LGMN: variants seen among roughly 807,000 people sequenced by gnomAD.
LGMN encodes legumain.
Under a neutral mutation model 56.8 loss-of-function variants are expected in LGMN, and 36 were observed. The observed-to-expected ratio is 0.63, with a 90% CI of 0.49 to 0.84. The LOEUF is 0.84. Ranked by LOEUF, LGMN falls within the 40% of genes least tolerant of loss-of-function variation. The pLI is 0.00. For missense variants in LGMN, 446 were observed against 556.1 expected (o/e 0.80, Z 1.99); for synonymous variants, 199 against 210.1 (o/e 0.95, Z 0.46).
intron 4 of LGMN, 84 bp downstream of exon 4, chr14:92,717,296 G>T: frequency 1.2e-6 from 1 of 863,030 alleles, no homozygotes; most frequent in South Asian, 1.9e-5. Context: ...GGGAGATTCT[G>T]ATTCTAGAAA....
In LGMN at chr14:92,719,302, ACCGCCG is replaced by A. The variant is rs1280163911; in HGVS notation, c.139-464_139-459del. ...CACCGCCGCCGCCGCCGCCGCCGCC[ACCGCCG>A]CCACCGCCGCCGCCGCCACCGCCAC... On this transcript the variant is annotated intron_variant, in intron 2 of 13. Transcript: ENST00000334869. 2.8e-4 allele frequency among the ~76,000 whole-genome samples: 12 copies of A among 43,276 alleles called. No homozygotes were observed. In the South Asian group the frequency reaches 5.3e-3, roughly 19 times the overall value. The allele number at this position is 43,276 out of a possible 152,430, so 28.4% of individuals were successfully genotyped here.
chr14:92,721,071 C>G (rs1445779333), intron 2 of LGMN, among the ~76,000 whole-genome samples: 1 of 151,854 alleles, frequency 6.6e-6, no homozygotes, highest in Non-Finnish European at 1.5e-5. Context: ...CTAAAATGTT[C>G]TGTAGAGTCA....
intron 1 of LGMN, among the ~76,000 whole-genome samples, chr14:92,745,684 T>C (rs1239358711): frequency 3.9e-5 from 6 of 152,262 alleles, no homozygotes; most frequent in Non-Finnish European, 5.9e-5. Flanking sequence ...ACAACCCTAA[T>C]ATCCTGCCCC....
intron 1 of LGMN, among the ~76,000 whole-genome samples, chr14:92,739,041 C>A (rs943471108): frequency 1.3e-4 from 20 of 150,188 alleles, no homozygotes; most frequent in African/African-American, 3.4e-4. Context: ...ACAAAAAAAA[C>A]CCCACATACA....
chr14:92,719,756 G>A (rs762154971), intron 2 of LGMN, among the ~76,000 whole-genome samples: 1 of 152,196 alleles, frequency 6.6e-6, no homozygotes, highest in Admixed American at 6.5e-5. Flanking sequence ...CCCTGTCCAC[G>A]CAAGGGTGAA....
rs902539090 is a variant in LGMN, at chr14:92,710,095, G to A, written c.820-223C>T. ...AAAGGCATGGTCACCCCAGCAGTAC[G>A]CAGGCAATGCACGGGAGCCCCTGAA... On this transcript the variant is annotated intron_variant, in intron 10 of 13. Coordinates refer to ENST00000334869, the MANE Select transcript of LGMN (RefSeq NM_005606.7). Among the ~76,000 whole-genome samples the A allele has an allele frequency of 7.9e-5, 12 of 152,176 alleles. No individual in the cohort carries two copies. In the South Asian group the frequency reaches 8.3e-4, roughly 10 times the overall value.
chr14:92,743,036 A>AC (rs1566938567), intron 1 of LGMN: 1 of 152,046 alleles, frequency 6.6e-6, no homozygotes, highest in African/African-American at 2.4e-5. Context: ...AAAAAAAAAA[A>AC]AAAAAACATC....
At chr14:92,712,780 C>A in intron 8 of LGMN, 25 bp downstream of exon 8, 2 of 1,609,980 alleles carry the variant, frequency 1.2e-6, no homozygotes, top group East Asian at 2.2e-5. Flanking sequence ...CAGCCCAGGT[C>A]GAGGCCGGCG....
chr14:92,712,175 T>C (rs1889817013), intron 8 of LGMN, among the ~76,000 whole-genome samples: 1 of 152,162 alleles, frequency 6.6e-6, no homozygotes. Context: ...CTGGTGGATG[T>C]TTTTTGCAGC....
At chr14:92,732,941 G>A (rs937595337) in intron 1 of LGMN, 126 bp from the exon 2 acceptor site, 3 of 647,890 alleles carry the variant, frequency 4.6e-6, no homozygotes, top group East Asian at 3.0e-5. Flanking sequence ...AAGAGGTCAG[G>A]AGTTTGAGAT....
At chr14:92,719,239 ACC>A (rs1890271941) in intron 2 of LGMN, among the ~76,000 whole-genome samples, 1 of 21,442 alleles carries the variant, frequency 4.7e-5, no homozygotes, top group African/African-American at 2.2e-4. Context: ...CGCCACCGCC[ACC>A]ACCGCCACCA....
At chr14:92,704,589 C>T (rs542436854) in intron 13 of LGMN, 51 bp downstream of exon 13, 1 of 1,483,860 alleles carries the variant, frequency 6.7e-7, no homozygotes, top group South Asian at 1.1e-5. Flanking sequence ...GCAGCCCCTT[C>T]TGCTTTCAGA....
At chr14:92,719,239 ACCACCGCCACCACCACCACCG>A (rs1566924039) in intron 2 of LGMN, among the ~76,000 whole-genome samples, 9 of 21,460 alleles carry the variant, frequency 4.2e-4, no homozygotes, top group African/African-American at 1.1e-3. Context: ...CGCCACCGCC[ACCACCGCCACCACCACCACCG>A]CCACCGCCGC....
At chr14:92,730,426 AT>A (rs1460458826) in intron 2 of LGMN, among the ~76,000 whole-genome samples, 1 of 152,012 alleles carries the variant, frequency 6.6e-6, no homozygotes, top group African/African-American at 2.4e-5. Context: ...CATTATTATC[AT>A]TTTTTTTAAA....
chr14:92,736,431 A>G (rs1021585013), intron 1 of LGMN, among the ~76,000 whole-genome samples: 1 of 151,988 alleles, frequency 6.6e-6, no homozygotes, highest in African/African-American at 2.4e-5. Flanking sequence ...CCCTGTCTCT[A>G]CTAAAAATAC....
At chr14:92,705,310 T>C (rs901241951) in intron 12 of LGMN, among the ~76,000 whole-genome samples, 1 of 152,104 alleles carries the variant, frequency 6.6e-6, no homozygotes, top group African/African-American at 2.4e-5. Context: ...AGGACCAGCC[T>C]GGACAACATG....
chr14:92,713,618 C>A (rs2140218035), intron 7 of LGMN, among the ~76,000 whole-genome samples: 1 of 152,296 alleles, frequency 6.6e-6, no homozygotes, highest in Non-Finnish European at 1.5e-5. Context: ...GGGCGAGGCC[C>A]ACACTGTTTT....
intron 2 of LGMN, among the ~76,000 whole-genome samples, chr14:92,719,326 A>ACCGCCACCGCCGCCG (rs1890321543): frequency 2.5e-5 from 2 of 80,016 alleles, no homozygotes; most frequent in South Asian, 5.3e-4. Context: ...CGCCGCCGCC[A>ACCGCCACCGCCGCCG]CCGCCACCGC....
At chr14:92,740,458 T>TG (rs1891497097) in intron 1 of LGMN, among the ~76,000 whole-genome samples, 1 of 152,182 alleles carries the variant, frequency 6.6e-6, no homozygotes. Context: ...TAGAGAAACT[T>TG]GGTGGTCAGT....
Sources: allele counts gnomAD v4.1 joint callset (sites outside exome capture counted in the v4.1 genomes callset), GRCh38; gene constraint gnomAD v4.1.1; transcripts MANE v1.5; gene names NCBI Gene and HGNC (gene_info 2026-07-23, HGNC 2026-07-21).